Variants in NFATC1 observed in about 807,000 individuals in gnomAD.
The protein encoded by NFATC1 is nuclear factor of activated T cells 1, also known as nuclear factor of activated T-cells, cytoplasmic 1.
Under a neutral mutation model 76.0 loss-of-function variants are expected in NFATC1, and 22 were observed. That is an observed-to-expected ratio of 0.29 (90% CI 0.21 to 0.41). The LOEUF is 0.41. NFATC1 is among the 10% of genes least tolerant of loss of function. NFATC1 has a pLI of 1.00. For synonymous variants in NFATC1, 704 were observed against 613.1 expected, an observed-to-expected ratio of 1.15 and a Z score of -2.19; for missense variants, 1,357 against 1,337.7, an observed-to-expected ratio of 1.01 and a Z score of -0.23.
intron 9 of NFATC1, among the ~76,000 whole-genome samples, chr18:79,526,356 A>G (rs1242489253): frequency 1.3e-5 from 2 of 152,236 alleles, no homozygotes; most frequent in Non-Finnish European, 2.9e-5. Context: ...GCTGAGTGCC[A>G]GGTCCCGTCT....
At chr18:79,409,901 A>C (rs1054630783) in intron 1 of NFATC1, among the ~76,000 whole-genome samples, 1 of 152,258 alleles carries the variant, frequency 6.6e-6, no homozygotes, top group African/African-American at 2.4e-5. Flanking sequence ...AGATTGTGAT[A>C]CGTATTTAGG....
At chr18:79,479,441 T>G (rs2089198930) in intron 8 of NFATC1, among the ~76,000 whole-genome samples, 1 of 152,224 alleles carries the variant, frequency 6.6e-6, no homozygotes, top group Admixed American at 6.5e-5. Flanking sequence ...ACTGATAGGA[T>G]GCGTCTTACG....
intron 5 of NFATC1, 51 bp from the exon 6 acceptor site, chr18:79,451,625 C>G: frequency 6.8e-7 from 1 of 1,468,228 alleles, no homozygotes; most frequent in Non-Finnish European, 9.0e-7. Flanking sequence ...ACGTGTGCCC[C>G]AGGCCGCCCA....
Position 79,411,497 on chromosome 18 carries a change from A to C in NFATC1, c.1222A>C (p.Met408Leu), listed in dbSNP as rs1293356162. 5 of 1,487,642 alleles carry C rather than the reference A, an allele frequency of 3.4e-6. No individual in the cohort carries two copies. Among genetic ancestry groups the C allele is most frequent in the Non-Finnish European group, 1.8e-6 (2 of 1,120,502 alleles). 92.2% of individuals were successfully genotyped at this position (1,487,642 alleles called of 1,614,324 possible). A position where few individuals can be genotyped will look rare whatever the true frequency, so the allele number is the denominator to read the frequency against. The change falls in exon 2 of 10, where the codon ATG (methionine) becomes CTG (leucine). Residue 408 changes from methionine to leucine, a missense_variant. Met to Leu is a conservative substitution (Grantham distance 15). Around this residue, in one of 3 missense-constraint regions of NFATC1, gnomAD observed 691 missense variants for 613.1 expected, o/e 1.13. Coordinates refer to ENST00000427363, the MANE Select transcript of NFATC1 (RefSeq NM_001278669.2). ...CAAGCCCCTGTCCCCTACGTCCTAC[A>C]TGAGGTGAGCCGGCAGCGCGGGGCG... ...KPKPLSPTSYMSPTLPALDWQ... is the reference protein window; with the variant it reads ...KPKPLSPTSYLSPTLPALDWQ...
At chr18:79,486,181 C>T (rs1409813696) in intron 8 of NFATC1, 67 bp from the exon 9 acceptor site, 14 of 1,477,058 alleles carry the variant, frequency 9.5e-6, no homozygotes, top group African/African-American at 1.4e-5. Context: ...GTGCCCCAGC[C>T]ACAAGCCTGC....
At chr18:79,521,000 T>TG (rs1227700152) in intron 9 of NFATC1, among the ~76,000 whole-genome samples, 30 of 28,720 alleles carry the variant, frequency 1.0e-3, no homozygotes, top group African/African-American at 3.6e-3. Flanking sequence ...TCTGTGTGTG[T>TG]GGGGGGGGGC....
chr18:79,491,772 G>A (rs1282131047), intron 9 of NFATC1, among the ~76,000 whole-genome samples: 1 of 152,214 alleles, frequency 6.6e-6, no homozygotes, highest in Non-Finnish European at 1.5e-5. Context: ...GCAGAGCTGC[G>A]TGCGGGGAGA....
chr18:79,450,404 T>G (rs2087416840), intron 4 of NFATC1, among the ~76,000 whole-genome samples: 1 of 148,470 alleles, frequency 6.7e-6, no homozygotes, highest in African/African-American at 2.4e-5. Context: ...TATGATTTAT[T>G]ATATATTTTA....
chr18:79,398,113 C>T (rs1451177442), intron 1 of NFATC1, among the ~76,000 whole-genome samples: 1 of 152,194 alleles, frequency 6.6e-6, no homozygotes, highest in Non-Finnish European at 1.5e-5. Context: ...GGCGCCTCCC[C>T]TGCGTCCCTC....
intron 9 of NFATC1, among the ~76,000 whole-genome samples, chr18:79,505,114 C>T (rs75534125): frequency 0.18 from 4,176 of 23,436 alleles, no homozygotes; most frequent in Non-Finnish European, 0.25. Context: ...GAGACTGCTG[C>T]GTGGGAGGAG....
intron 2 of NFATC1, among the ~76,000 whole-genome samples, chr18:79,427,847 G>A (rs1205017926): frequency 7.0e-6 from 1 of 143,494 alleles, no homozygotes; most frequent in Non-Finnish European, 1.5e-5. Context: ...GCCTCTGTGG[G>A]GTGGGTGTAG....
rs1438343647 is a variant in NFATC1 at position 79,486,688 on chromosome 18, A to C, written c.2533A>C (p.Ser845Arg). 6.2e-7 allele frequency: 1 copy of C among 1,601,204 alleles called. No homozygotes were observed. The highest frequency in any genetic ancestry group is 2.2e-5 in the East Asian group (1 of 44,658). Residue 845 changes from serine (S) to arginine (R), a missense_variant, in exon 9 of 10, where the codon AGC (serine) becomes CGC (arginine). This residue lies in a region of NFATC1 where 424 missense variants were observed against 395.4 expected (regional missense o/e 1.07). Coordinates refer to ENST00000427363, the MANE Select transcript of NFATC1 (RefSeq NM_001278669.2). ...TGGTCTCGAACACTCGCTCTGCCCCAGCAGCCCCTCTCCTCCACTCCCGCC... is the reference window on the plus strand; with the variant it reads ...TGGTCTCGAACACTCGCTCTGCCCCCGCAGCCCCTCTCCTCCACTCCCGCC... The part of the protein sequence containing the change: ...PPGLEHSLCP[S>R]SPSPPLPPAT...
At chr18:79,401,112 A>C (rs894769160) in intron 1 of NFATC1, among the ~76,000 whole-genome samples, 5 of 149,888 alleles carry the variant, frequency 3.3e-5, no homozygotes, top group Admixed American at 6.6e-5. Context: ...ATAACTCCCC[A>C]CTCCCGAAGA....
intron 2 of NFATC1, among the ~76,000 whole-genome samples, chr18:79,423,288 C>T (rs772798435): frequency 2.6e-5 from 4 of 152,220 alleles, no homozygotes; most frequent in Non-Finnish European, 5.9e-5. Flanking sequence ...CGCGCGCTCC[C>T]GGTCTGTGGC....
At chr18:79,526,682 A>AT (rs1225796758) in intron 9 of NFATC1, among the ~76,000 whole-genome samples, 72 of 152,216 alleles carry the variant, frequency 4.7e-4, no homozygotes, top group Non-Finnish European at 1.5e-5. Flanking sequence ...GTGTTTTATT[A>AT]TTGTTATTCT....
intron 9 of NFATC1, among the ~76,000 whole-genome samples, chr18:79,503,772 T>C (rs1445148589): frequency 2.0e-5 from 3 of 152,356 alleles, no homozygotes; most frequent in South Asian, 4.1e-4. Flanking sequence ...AAGGCTGTTT[T>C]GTCTGCACAG....
chr18:79,512,383 T>C (rs971956189), intron 9 of NFATC1, among the ~76,000 whole-genome samples: 5 of 152,180 alleles, frequency 3.3e-5, no homozygotes, highest in Admixed American at 2.6e-4. Flanking sequence ...AGGGATTTTA[T>C]GAGAACGGCA....
In NFATC1 at chr18:79,483,215, TTCCAGCGTGACCTGGTCCTGGGGTGTCAC is replaced by T. The variant is rs1569017542; in HGVS notation, c.2093-3009_2093-2981del. On this transcript the variant is annotated intron_variant, in intron 8 of 9. Transcript: ENST00000427363. ...GCGTGACCTGGTTCCTGGGGTGTAA[TTCCAGCGTGACCTGGTCCTGGGGTGTCAC>T]TCCAGCGTGACCTGGTCCTGGGGCG... 5.1e-4 allele frequency among the ~76,000 whole-genome samples: 61 copies of T among 119,410 alleles called. 2 individuals are homozygous for T. The highest frequency in any genetic ancestry group is 1.8e-3 in the African/African-American group (57 of 31,508). 78.3% of individuals were successfully genotyped at this position (119,410 alleles called of 152,430 possible). A position where few individuals can be genotyped will look rare whatever the true frequency, so the allele number is the denominator to read the frequency against.
chr18:79,469,477 G>A lies in NFATC1; in HGVS notation c.2092+1895G>A, dbSNP rs1025447355. ...GTGGCCACAGCATGAAGCCGGTGGG[G>A]CTGAGCCGCTCCTGCTACCTCCAGT... On this transcript the variant is annotated intron_variant, in intron 8 of 9. Coordinates refer to ENST00000427363, the MANE Select transcript of NFATC1 (RefSeq NM_001278669.2). 3 of 985,324 alleles carry A rather than the reference G, an allele frequency of 3.0e-6. No individual in the cohort carries two copies. In the African/African-American group the frequency reaches 5.2e-5, roughly 17 times the overall value. 61.0% of individuals were successfully genotyped at this position (985,324 alleles called of 1,614,324 possible).
Sources: gnomAD v4.1 joint callset for allele counts (sites outside exome capture counted in the v4.1 genomes callset) on GRCh38, gnomAD v4.1.1 for gene constraint, gnomAD v4.1.1 regional missense constraint, MANE v1.5 for transcripts, NCBI Gene and HGNC (gene_info 2026-07-23, HGNC 2026-07-21) for gene names.